The following CDH13 variants were observed in gnomAD, a reference collection of about 807,000 sequenced individuals.
CDH13 encodes the protein cadherin 13, also known as cadherin-13.
A neutral mutation model predicts 63.8 loss-of-function variants in CDH13; 24 were observed. The ratio of observed to expected loss-of-function variants is 0.38; its 90% CI spans 0.27 to 0.53. The LOEUF (loss-of-function observed/expected upper bound fraction) is 0.53. CDH13 is among the 20% of genes least tolerant of loss of function. The probability of loss-of-function intolerance (pLI) is 0.85; values close to 1 mark genes in which losing one functional copy is unlikely to be tolerated. For synonymous variants in CDH13, 503 were observed against 355.3 expected (o/e 1.42, Z -4.67); for missense variants, 1,049 against 903.1 (o/e 1.16, Z -2.07).
rs568332153 is a variant in CDH13 at position 83,117,141 on chromosome 16, A to G, written c.367-8244A>G. On this transcript the variant is annotated intron_variant, in intron 3 of 13. Coordinates refer to ENST00000567109, the MANE Select transcript of CDH13 (RefSeq NM_001257.5). ...AAGCAGCTATGATCTGTTTTATTGC[A>G]ACTGGACTCCTCAGCTCAAAACCCT... Among the ~76,000 whole-genome samples, 35 of 152,304 alleles carry G rather than the reference A, an allele frequency of 2.3e-4. 1 individual carries two copies. The South Asian group carries it at 5.0e-3, about 22-fold the overall frequency.
chr16:82,944,487 G>T (rs909237403), intron 2 of CDH13, among the ~76,000 whole-genome samples: 1 of 152,158 alleles, frequency 6.6e-6, no homozygotes, highest in Non-Finnish European at 1.5e-5. Flanking sequence ...GTCATGGATT[G>T]CTTCCCAGGG....
At chr16:83,291,695 A>T (rs1039650192) in intron 5 of CDH13, among the ~76,000 whole-genome samples, 6 of 151,998 alleles carry the variant, frequency 3.9e-5, no homozygotes, top group African/African-American at 1.2e-4. Context: ...ATAACTCAAA[A>T]CCGGTGGAGA....
At chr16:83,456,822 C>T (rs769705271) in intron 6 of CDH13, among the ~76,000 whole-genome samples, 28 of 152,104 alleles carry the variant, frequency 1.8e-4, no homozygotes, top group Non-Finnish European at 3.1e-4. Context: ...ATTAGCCAGG[C>T]ATGGTGGCAC....
intron 2 of CDH13, among the ~76,000 whole-genome samples, chr16:82,901,066 T>A (rs74029992): frequency 0.14 from 18,390 of 131,236 alleles, 1,320 homozygotes; most frequent in African/African-American, 0.22. Flanking sequence ...AGCCAAAATG[T>A]ATATTGATTT....
At chr16:83,295,825 C>T (rs148993036) in intron 5 of CDH13, among the ~76,000 whole-genome samples, 2 of 152,162 alleles carry the variant, frequency 1.3e-5, no homozygotes, top group African/African-American at 4.8e-5. Context: ...GGTTATATAT[C>T]CAAAGAAAAT....
At chr16:83,171,522 A>G (rs2037915237) in intron 4 of CDH13, 11 of 1,533,788 alleles carry the variant, frequency 7.2e-6, no homozygotes, top group Middle Eastern at 1.7e-4. Flanking sequence ...TGTTTTTCAG[A>G]TGAAGATTTG....
At chr16:83,490,045 A>ACT (rs1321114008) in intron 7 of CDH13, among the ~76,000 whole-genome samples, 1,554 of 150,224 alleles carry the variant, frequency 0.01, 28 homozygotes, top group African/African-American at 0.035. Context: ...ACACACACAC[A>ACT]CACAGCTCAC....
At chr16:83,384,047 C>T (rs1292114074) in intron 6 of CDH13, among the ~76,000 whole-genome samples, 2 of 152,158 alleles carry the variant, frequency 1.3e-5, no homozygotes, top group African/African-American at 4.8e-5. Context: ...TTTATACATG[C>T]TTGCACATAT....
At chr16:82,753,593 C>A (rs2034503259) in intron 1 of CDH13, among the ~76,000 whole-genome samples, 1 of 152,130 alleles carries the variant, frequency 6.6e-6, no homozygotes, top group South Asian at 2.1e-4. Context: ...AAAAAAAATT[C>A]TTTATAGCCA....
rs146254671 is a variant in CDH13, at chr16:82,908,314, G to A, written c.157+49841G>A. 3.7e-3 allele frequency among the ~76,000 whole-genome samples: 567 copies of A among 152,242 alleles called. 3 individuals are homozygous for A. The highest frequency in any genetic ancestry group is 0.013 in the African/African-American group (541 of 41,536). On this transcript the variant is annotated intron_variant, in intron 2 of 13. Transcript: ENST00000567109. Reference sequence around the variant, plus strand: ...CAGAATGTTCTGGAAAGTGCCAGATGCAAGACCAAGTAGGACCAGCTAGTA... The same window carrying A: ...CAGAATGTTCTGGAAAGTGCCAGATACAAGACCAAGTAGGACCAGCTAGTA...
intron 1 of CDH13, among the ~76,000 whole-genome samples, chr16:82,743,268 C>G (rs2034014613): frequency 6.6e-6 from 1 of 152,156 alleles, no homozygotes; most frequent in Non-Finnish European, 1.5e-5. Context: ...GCTCTGCTGC[C>G]CAGGCTGGAG....
At chr16:83,788,578 G>A (rs1237209855) in intron 13 of CDH13, among the ~76,000 whole-genome samples, 3 of 151,934 alleles carry the variant, frequency 2.0e-5, no homozygotes, top group African/African-American at 7.3e-5. Flanking sequence ...ACAATCATCA[G>A]CAGGTTGCCA....
At chr16:83,282,305 C>G (rs1027277400) in intron 5 of CDH13, among the ~76,000 whole-genome samples, 3 of 152,016 alleles carry the variant, frequency 2.0e-5, no homozygotes, top group African/African-American at 7.2e-5. Context: ...AAATATGATA[C>G]CAAAACACAA....
At chr16:83,440,886 C>T (rs569034985) in intron 6 of CDH13, among the ~76,000 whole-genome samples, 1 of 151,704 alleles carries the variant, frequency 6.6e-6, no homozygotes, top group Non-Finnish European at 1.5e-5. Flanking sequence ...GTTTGCCAAG[C>T]GAAGAAAAGA....
intron 1 of CDH13, among the ~76,000 whole-genome samples, chr16:82,628,739 A>G (rs1907656472): frequency 6.6e-6 from 1 of 152,090 alleles, no homozygotes; most frequent in African/African-American, 2.4e-5. Context: ...CCTGTACCCT[A>G]GAGACCCCAA....
At chr16:83,457,917 C>G (rs1352944456) in intron 6 of CDH13, among the ~76,000 whole-genome samples, 1 of 152,166 alleles carries the variant, frequency 6.6e-6, no homozygotes, top group African/African-American at 2.4e-5. Context: ...GCTTTTCCAG[C>G]AGGCGTCTGA....
At chr16:83,785,214 TA>T (rs1177317554) in intron 13 of CDH13, among the ~76,000 whole-genome samples, 2 of 152,182 alleles carry the variant, frequency 1.3e-5, no homozygotes, top group African/African-American at 4.8e-5. Context: ...GGCTTATAAA[TA>T]ACAGAGATGT....
At chr16:83,094,247 C>G (rs1223063185) in intron 3 of CDH13, among the ~76,000 whole-genome samples, 3 of 152,142 alleles carry the variant, frequency 2.0e-5, no homozygotes, top group Non-Finnish European at 2.9e-5. Context: ...ACTTGTGACC[C>G]CTGCTTTGCC....
rs145008870 is a variant in CDH13 at position 83,163,531 on chromosome 16, T to A, written c.483+38030T>A. ...AGCATTATAGTAGAGCCATTGGCACTCACCCATGTCCAGCCCCGTTCCTCC... is the reference window on the plus strand; with the variant it reads ...AGCATTATAGTAGAGCCATTGGCACACACCCATGTCCAGCCCCGTTCCTCC... On this transcript the variant is annotated intron_variant, in intron 4 of 13. Coordinates refer to ENST00000567109, the MANE Select transcript of CDH13 (RefSeq NM_001257.5). Among the ~76,000 whole-genome samples, 619 of 152,260 alleles carry A rather than the reference T, an allele frequency of 4.1e-3. 6 individuals are homozygous for A. Among genetic ancestry groups the A allele is most frequent in the African/African-American group, 0.014 (599 of 41,570 alleles).
Sources: gnomAD v4.1 joint callset for allele counts (sites outside exome capture counted in the v4.1 genomes callset) on GRCh38, gnomAD v4.1.1 for gene constraint, MANE v1.5 for transcripts, NCBI Gene and HGNC (gene_info 2026-07-23, HGNC 2026-07-21) for gene names.